Variants in MAP9 observed in about 807,000 individuals in gnomAD.
The protein encoded by MAP9 is microtubule-associated protein 9.
A neutral mutation model predicts 75.2 loss-of-function variants in MAP9; 80 were observed. The ratio of observed to expected loss-of-function variants is 1.06; its 90% CI spans 0.89 to 1.28. The LOEUF is 1.28. MAP9 is among the 50% of genes most tolerant of loss of function. The pLI is 0.00. For missense variants in MAP9, 753 were observed against 719.9 expected, an observed-to-expected ratio of 1.05 and a Z score of -0.53; for synonymous variants, 235 against 237.3, an observed-to-expected ratio of 0.99 and a Z score of 0.09.
intron 13 of MAP9, among the ~76,000 whole-genome samples, chr4:155,351,699 A>G (rs933483713): frequency 4.6e-5 from 7 of 151,958 alleles, no homozygotes; most frequent in African/African-American, 1.4e-4. Context: ...AATAATAGAT[A>G]AATGGCCTGT....
chr4:155,368,581 C>T lies in MAP9; in HGVS notation c.708+5G>A. 6.2e-7 allele frequency: 1 copy of T among 1,605,378 alleles called. No individual in the cohort carries two copies. The highest frequency in any genetic ancestry group is 8.5e-7 in the Non-Finnish European group (1 of 1,172,066). ...ACAATTCAACAGTTTAGTGGTAGTG[C>T]TAACCTCAGGATCAAGGTTTTCAGA... On this transcript the variant is annotated splice_donor_5th_base_variant and intron_variant, in intron 5 of 13. Coordinates refer to ENST00000311277, the MANE Select transcript of MAP9 (RefSeq NM_001039580.2).
chr4:155,376,497 C>G (rs1732853050), intron 1 of MAP9: 1 of 152,324 alleles, frequency 6.6e-6, no homozygotes, highest in African/African-American at 2.4e-5. Flanking sequence ...GTTTCCCGTA[C>G]TCGGAGCAGA....
intron 5 of MAP9, among the ~76,000 whole-genome samples, chr4:155,366,136 G>A (rs1246683158): frequency 1.3e-5 from 2 of 152,232 alleles, no homozygotes. Flanking sequence ...CGAGGTGGGT[G>A]GATCACGATG....
chr4:155,369,527 G>T (rs1350070448), intron 4 of MAP9, among the ~76,000 whole-genome samples: 1 of 151,892 alleles, frequency 6.6e-6, no homozygotes, highest in Admixed American at 6.6e-5. Flanking sequence ...AAATGAGGAG[G>T]CTCATCCATC....
intron 10 of MAP9, 78 bp downstream of exon 10, chr4:155,354,993 T>G (rs763679119): frequency 4.1e-5 from 25 of 607,272 alleles, no homozygotes; most frequent in Non-Finnish European, 6.4e-5. Flanking sequence ...AAAAAGCTGA[T>G]TTAGAAAAGT....
chr4:155,362,815 AGTATTTTATG>A (rs531266722), intron 5 of MAP9: 258 of 152,298 alleles, frequency 1.7e-3, no homozygotes, highest in African/African-American at 6.1e-3. Context: ...CTTTCTCCGC[AGTATTTTATG>A]GGTGCAAAGG....
Position 155,347,406 on chromosome 4 carries a change from G to A in MAP9, c.*377C>T, listed in dbSNP as rs1731323566. ...CTAGATTCACAATCATCCACAAAAG[G>A]AATAATTTCTATCATTATGGTACCT... On this transcript the variant is annotated 3_prime_UTR_variant, in exon 14 of 14. Coordinates refer to ENST00000311277, the MANE Select transcript of MAP9 (RefSeq NM_001039580.2). 1 of 157,760 alleles carries A rather than the reference G, an allele frequency of 6.3e-6. No homozygotes were observed. The highest frequency in any genetic ancestry group is 1.4e-5 in the Non-Finnish European group (1 of 72,052). The allele number at this position is 157,760 out of a possible 1,614,324, so 9.8% of individuals were successfully genotyped here.
intron 7 of MAP9, 103 bp from the exon 8 acceptor site, chr4:155,357,622 A>G: frequency 1.4e-6 from 1 of 698,782 alleles, no homozygotes; most frequent in South Asian, 1.6e-5. Flanking sequence ...AGCATCTACT[A>G]TGTGTCAAAC....
chr4:155,368,485 C>A (rs1274405442), intron 5 of MAP9, 101 bp downstream of exon 5: 9 of 937,286 alleles, frequency 9.6e-6, no homozygotes, highest in Non-Finnish European at 1.5e-5. Flanking sequence ...GTAAAACACA[C>A]ACACACGCAC....
In MAP9 at chr4:155,360,179, C is replaced by T. The variant is rs767984897; in HGVS notation, c.1039G>A (p.Ala347Thr). The change falls in exon 7 of 14, where the codon GCA (alanine) becomes ACA (threonine). Residue 347 changes from alanine to threonine, a missense_variant. By Grantham distance (58) the Ala-to-Thr change is moderately conservative. Coordinates refer to ENST00000311277, the MANE Select transcript of MAP9 (RefSeq NM_001039580.2). ...ATTTTTACAAATACCTTTGAAGATG[C>T]TGTTGCACTGGTAGATATTAAGATA... is the stretch of plus-strand genomic sequence containing the variant. Reference protein sequence around the residue: ...QSILISTSATASSKKTIEDRN... With the variant: ...QSILISTSATTSSKKTIEDRN... The T allele has an allele frequency of 6.2e-7, 1 of 1,610,576 alleles. No individual in the cohort carries two copies. Among genetic ancestry groups the T allele is most frequent in the East Asian group, 2.2e-5 (1 of 44,748 alleles).
chr4:155,362,280 C>A (rs1021809452), intron 5 of MAP9, 139 bp from the exon 6 acceptor site: 2 of 567,430 alleles, frequency 3.5e-6, no homozygotes, highest in African/African-American at 2.0e-5. Flanking sequence ...GTTGCTGAAA[C>A]GCAAAGTGTG....
At chr4:155,353,706 A>C (rs965439301) in intron 10 of MAP9, among the ~76,000 whole-genome samples, 1 of 152,180 alleles carries the variant, frequency 6.6e-6, no homozygotes, top group Non-Finnish European at 1.5e-5. Context: ...ATTTGAAAAA[A>C]AAATCAGTAA....
At chr4:155,356,162 G>T (rs138594761) in intron 8 of MAP9, among the ~76,000 whole-genome samples, 61 of 152,236 alleles carry the variant, frequency 4.0e-4, no homozygotes, top group African/African-American at 1.4e-3. Context: ...AGCTACCCTG[G>T]AGGCTGAGGT....
chr4:155,349,086 CA>C (rs965137121), intron 13 of MAP9, among the ~76,000 whole-genome samples: 4 of 152,026 alleles, frequency 2.6e-5, no homozygotes, highest in Non-Finnish European at 5.9e-5. Context: ...TTACTTTCAA[CA>C]AAAAATGGAC....
At position 155,353,005 on chromosome 4, in the gene MAP9, C is replaced by T; in HGVS notation, c.1595G>A (p.Arg532Lys). 6.5e-7 allele frequency: 1 copy of T among 1,541,266 alleles called. No homozygotes were observed. Among genetic ancestry groups the T allele is most frequent in the Non-Finnish European group, 8.8e-7 (1 of 1,135,932 alleles). ...TGCTCTTTCATATTCTCTCTCCTTT[C>T]TATTTTTCTCTTTAAGATATTCCAT... ...KKMEYLKEKN[R>K]KEREYERAKK... The change falls in exon 12 of 14, where the codon AGA becomes AAA. Residue 532 changes from arginine (R) to lysine (K), a missense_variant. By Grantham distance (26) the Arg-to-Lys change is conservative (BLOSUM62 2). Coordinates refer to ENST00000311277, the MANE Select transcript of MAP9 (RefSeq NM_001039580.2).
chr4:155,357,431 T>G lies in MAP9; in HGVS notation c.1121+18A>C. On this transcript the variant is annotated intron_variant, in intron 8 of 13. Coordinates refer to ENST00000311277, the MANE Select transcript of MAP9 (RefSeq NM_001039580.2). Reference sequence around the variant, plus strand: ...AGAATGCAAGCCCATAAATGACAAATATTGGTAACTTTATTACCTGGCAGA... The same window carrying G: ...AGAATGCAAGCCCATAAATGACAAAGATTGGTAACTTTATTACCTGGCAGA... The G allele has an allele frequency of 6.8e-7, 1 of 1,475,724 alleles. No homozygotes were observed. Among genetic ancestry groups the G allele is most frequent in the Non-Finnish European group, 9.5e-7 (1 of 1,055,648 alleles). The allele number at this position is 1,475,724 out of a possible 1,614,324, so 91.4% of individuals were successfully genotyped here. A position where few individuals can be genotyped will look rare whatever the true frequency, so the allele number is the denominator to read the frequency against.
chr4:155,362,170 C>A, intron 5 of MAP9, 29 bp from the exon 6 acceptor site: 1 of 1,315,798 alleles, frequency 7.6e-7, no homozygotes, highest in Non-Finnish European at 1.1e-6. Flanking sequence ...ATACATTTGC[C>A]ACATAAGTTT....
At chr4:155,350,244 A>G (rs758597476) in intron 13 of MAP9, 33 of 454,534 alleles carry the variant, frequency 7.3e-5, no homozygotes, top group Middle Eastern at 3.2e-4. Flanking sequence ...TTCTATCTGC[A>G]AACAAATTTC....
Position 155,360,304 on chromosome 4 carries a change from CT to C in MAP9, c.913del (p.Ser305ValfsTer3). On this transcript the variant is annotated frameshift_variant, in exon 7 of 14. Transcript: ENST00000311277. LOFTEE classifies it high-confidence loss of function. ...TTCAAGGTCATCAGCAGTCACTTGA[CT>C]TTCCTTGGATTTCTCAACTGCAGTA... ...VTTAVEKSKE[S>X]QVTADDLEEE... 6.2e-7 allele frequency: 1 copy of C among 1,613,222 alleles called. No homozygotes were observed. The highest frequency in any genetic ancestry group is 1.1e-5 in the South Asian group (1 of 91,066).
Sources: allele counts gnomAD v4.1 joint callset (sites outside exome capture counted in the v4.1 genomes callset), GRCh38; gene constraint gnomAD v4.1.1; transcripts MANE v1.5; gene names NCBI Gene and HGNC (gene_info 2026-07-23, HGNC 2026-07-21).